Variants in SCN9A observed in about 807,000 individuals in gnomAD.
The protein encoded by SCN9A is sodium voltage-gated channel alpha subunit 9.
In SCN9A, 131 loss-of-function variants were observed where a neutral mutation model predicts 187.0. The observed-to-expected ratio is 0.70, with a 90% CI of 0.61 to 0.81. The LOEUF (loss-of-function observed/expected upper bound fraction) is 0.81. Ranked by LOEUF, SCN9A falls within the 30% of genes least tolerant of loss-of-function variation. The pLI is 0.00. For synonymous variants in SCN9A, 809 were observed against 808.6 expected (o/e 1.00, Z -0.01); for missense variants, 2,252 against 2,396.6 (o/e 0.94, Z 1.26).
At chr2:166,259,190 GA>G (rs1228837851) in intron 17 of SCN9A, 2 of 151,630 alleles carry the variant, frequency 1.3e-5, no homozygotes, top group African/African-American at 2.4e-5. Flanking sequence ...TCGTATGTAT[GA>G]TTTTTTTAGG....
intron 7 of SCN9A, 28 bp downstream of exon 7, chr2:166,303,062 C>T: frequency 6.9e-7 from 1 of 1,456,970 alleles, no homozygotes; most frequent in Non-Finnish European, 9.5e-7. Flanking sequence ...TTATTTCAAC[C>T]TAATAACAAA....
intron 24 of SCN9A, among the ~76,000 whole-genome samples, chr2:166,225,548 C>T (rs542661920): frequency 1.1e-4 from 16 of 152,022 alleles, no homozygotes; most frequent in Admixed American, 2.0e-4. Context: ...TGCCTTTCCT[C>T]ATTTGTGAAA....
chr2:166,365,714 C>T (rs527241020), intron 1 of SCN9A, among the ~76,000 whole-genome samples: 2 of 152,222 alleles, frequency 1.3e-5, no homozygotes, highest in African/African-American at 4.8e-5. Context: ...TACTCAAATA[C>T]CCTGTATAAA....
intron 3 of SCN9A, 59 bp from the exon 4 acceptor site, chr2:166,306,658 G>T: frequency 1.7e-6 from 2 of 1,175,834 alleles, no homozygotes; most frequent in South Asian, 1.3e-5. Flanking sequence ...ATTTGAGGAT[G>T]ACACTTGTTG....
At chr2:166,250,721 A>T (rs935042664) in intron 18 of SCN9A, among the ~76,000 whole-genome samples, 1 of 152,118 alleles carries the variant, frequency 6.6e-6, no homozygotes, top group South Asian at 2.1e-4. Context: ...AGGTACTGTT[A>T]CAAAACAAGA....
At chr2:166,223,940 AGCT>A (rs1204124621) in intron 24 of SCN9A, among the ~76,000 whole-genome samples, 34 of 152,314 alleles carry the variant, frequency 2.2e-4, no homozygotes, top group South Asian at 6.2e-4. Context: ...AGAAAATAAA[AGCT>A]ATACTTAGAT....
chr2:166,370,489 G>A (rs1376455526), intron 1 of SCN9A, among the ~76,000 whole-genome samples: 4 of 151,026 alleles, frequency 2.6e-5, no homozygotes, highest in Non-Finnish European at 4.4e-5. Flanking sequence ...CTTGCAGTGA[G>A]CCAAGATCGC....
rs1426370719 is a variant in SCN9A at position 166,199,382 on chromosome 2, T to A, written c.5257A>T (p.Asn1753Tyr). 1 of 1,614,178 alleles carries A rather than the reference T, an allele frequency of 6.2e-7. No homozygotes were observed. The highest frequency in any genetic ancestry group is 8.5e-7 in the Non-Finnish European group (1 of 1,180,032). Reference sequence around the variant, plus strand: ...TCCAGTATGACTGCAATGTACATGTTCACCACAACCAGGAAGGATATGATG... The same window carrying A: ...TCCAGTATGACTGCAATGTACATGTACACCACAACCAGGAAGGATATGATG... ...YIIISFLVVV[N>Y]MYIAVILENF... The change falls in exon 27 of 27, where the codon AAC becomes TAC. Residue 1753 changes from asparagine to tyrosine, a missense_variant. Asn to Tyr is a moderately radical substitution (Grantham distance 143). This residue lies in a region of SCN9A where 345 missense variants were observed against 344.6 expected (regional missense o/e 1.00). Transcript: ENST00000642356.
At chr2:166,357,629 C>T (rs1039991155) in intron 1 of SCN9A, among the ~76,000 whole-genome samples, 1 of 152,174 alleles carries the variant, frequency 6.6e-6, no homozygotes, top group Non-Finnish European at 1.5e-5. Flanking sequence ...AAGAAGTTCA[C>T]CACCTATTTC....
intron 19 of SCN9A, among the ~76,000 whole-genome samples, chr2:166,239,849 C>T (rs1479176728): frequency 1.3e-5 from 2 of 152,172 alleles, no homozygotes; most frequent in African/African-American, 4.8e-5. Flanking sequence ...GGTCCCAGAG[C>T]AGGAATTAGA....
intron 1 of SCN9A, among the ~76,000 whole-genome samples, chr2:166,313,713 G>A (rs1426978284): frequency 6.6e-6 from 1 of 152,134 alleles, no homozygotes; most frequent in East Asian, 1.9e-4. Context: ...CACTGGAGTA[G>A]CACATTTGAT....
Position 166,228,970 on chromosome 2 carries a change from G to T in SCN9A, c.3927C>A (p.Val1309=). Residue 1309 remains valine, a splice_region_variant and synonymous_variant, in exon 22 of 27, where the codon GTC becomes GTA. Transcript: ENST00000642356. ...RALSRFEGMR[V]VVNALIGAIP... ...TTGCTCCTATGAGTGCATTCACAAC[G>T]ACCTAGTATTCAAAAGAAAGAAAAG... 2.5e-6 allele frequency: 4 copies of T among 1,607,050 alleles called. No homozygotes were observed. Among genetic ancestry groups the T allele is most frequent in the South Asian group, 1.1e-5 (1 of 90,364 alleles).
intron 6 of SCN9A, chr2:166,303,935 A>G: frequency 1.6e-6 from 2 of 1,222,432 alleles, no homozygotes; most frequent in South Asian, 2.6e-5. Context: ...AAAACAGAAG[A>G]AATCAAATTT....
At chr2:166,208,730 G>A (rs1423634448) in intron 24 of SCN9A, among the ~76,000 whole-genome samples, 2 of 152,182 alleles carry the variant, frequency 1.3e-5, no homozygotes, top group Non-Finnish European at 2.9e-5. Context: ...AGAGGCATGG[G>A]TAGTTGATAG....
chr2:166,280,198 A>C (rs890483882), intron 14 of SCN9A, among the ~76,000 whole-genome samples, 159 bp downstream of exon 14: 2 of 152,188 alleles, frequency 1.3e-5, no homozygotes, highest in East Asian at 3.8e-4. Flanking sequence ...TTTAAAAGAC[A>C]TAACCAGAAA....
chr2:166,327,848 C>T (rs1199357997), intron 1 of SCN9A, among the ~76,000 whole-genome samples: 1 of 152,166 alleles, frequency 6.6e-6, no homozygotes, highest in Non-Finnish European at 1.5e-5. Context: ...ATAACTCTCC[C>T]CAGACCTCTA....
rs1474797213 is a variant in SCN9A, at chr2:166,272,463, G to T, written c.3287C>A (p.Ser1096Tyr). Residue 1096 changes from serine to tyrosine, a missense_variant, in exon 17 of 27, where the codon TCC becomes TAC. Physicochemically the swap from Ser to Tyr is moderately radical, Grantham distance 144 (BLOSUM62 -2). Transcript: ENST00000642356. ...TVTVPIAPGE[S>Y]DLENMNAEEL... is the part of the protein sequence containing the mutation. ...CTCAGCATTCATATTTTCCAAATCGGATTCCCCAGGTGCAATTGGCACTGT... is the reference window on the plus strand; with the variant it reads ...CTCAGCATTCATATTTTCCAAATCGTATTCCCCAGGTGCAATTGGCACTGT... The T allele has an allele frequency of 1.2e-6, 2 of 1,611,652 alleles. No homozygotes were observed. The highest frequency in any genetic ancestry group is 8.5e-7 in the Non-Finnish European group (1 of 1,178,818).
chr2:166,235,678 G>GAAA lies in SCN9A; in HGVS notation c.3802-2219_3802-2217dup, dbSNP rs60341533. Among the ~76,000 whole-genome samples the GAAA allele has an allele frequency of 8.7e-4, 124 of 142,972 alleles. 1 individual carries two copies. The highest frequency in any genetic ancestry group is 3.1e-3 in the African/African-American group (123 of 39,476). 93.8% of individuals were successfully genotyped at this position (142,972 alleles called of 152,430 possible). A position where few individuals can be genotyped will look rare whatever the true frequency, so the allele number is the denominator to read the frequency against. ...TGTAGATAAGTTTCTATACTTTTCA[G>GAAA]AAAAAAAAAAAATCAGCCACTCCCC... On this transcript the variant is annotated intron_variant, in intron 20 of 26. Coordinates refer to ENST00000642356, the MANE Select transcript of SCN9A (RefSeq NM_001365536.1).
intron 11 of SCN9A, among the ~76,000 whole-genome samples, chr2:166,285,218 G>C (rs1235640446): frequency 6.6e-6 from 1 of 152,166 alleles, no homozygotes; most frequent in African/African-American, 2.4e-5. Context: ...TGGAAATCAT[G>C]CTGTATGGTT....
Sources: allele counts gnomAD v4.1 joint callset (sites outside exome capture counted in the v4.1 genomes callset), GRCh38; gene constraint gnomAD v4.1.1; regional missense constraint gnomAD v4.1.1; transcripts MANE v1.5; gene names NCBI Gene and HGNC (gene_info 2026-07-23, HGNC 2026-07-21).